MCTP1: variants seen among roughly 807,000 people sequenced by gnomAD.
MCTP1 encodes the protein multiple C2 and transmembrane domain containing 1, also known as multiple C2 and transmembrane domain-containing protein 1.
In MCTP1, 69 loss-of-function variants were observed where a neutral mutation model predicts 120.6. The ratio of observed to expected loss-of-function variants is 0.57; its 90% CI spans 0.47 to 0.70. The LOEUF (loss-of-function observed/expected upper bound fraction) is 0.70, where lower values mean the gene tolerates loss of function less well. Among genes scored for constraint, MCTP1 ranks in the 30% least tolerant of loss-of-function variants. The pLI, the probability that MCTP1 is intolerant of heterozygous loss-of-function variation, is 0.00. For synonymous variants in MCTP1, 529 were observed against 493.1 expected (o/e 1.07, Z -0.96); for missense variants, 1,203 against 1,248.8 (o/e 0.96, Z 0.55).
At chr5:95,221,922 T>C (rs1753740396) in intron 1 of MCTP1, among the ~76,000 whole-genome samples, 1 of 152,210 alleles carries the variant, frequency 6.6e-6, no homozygotes, top group Admixed American at 6.5e-5. Context: ...TTTATTATCC[T>C]GAGGAATTTA....
At chr5:94,958,220 T>A (rs1472184235) in intron 2 of MCTP1, among the ~76,000 whole-genome samples, 1 of 152,012 alleles carries the variant, frequency 6.6e-6, no homozygotes, top group Non-Finnish European at 1.5e-5. Context: ...TTGAAACCAA[T>A]GAGAACAAAG....
chr5:94,809,685 T>G (rs1239686299), intron 17 of MCTP1, among the ~76,000 whole-genome samples: 1 of 152,110 alleles, frequency 6.6e-6, no homozygotes, highest in Non-Finnish European at 1.5e-5. Flanking sequence ...GATCAGCACA[T>G]ATTTATTATT....
At chr5:95,281,753 T>A (rs1430670094) in intron 1 of MCTP1, among the ~76,000 whole-genome samples, 1 of 152,212 alleles carries the variant, frequency 6.6e-6, no homozygotes. Flanking sequence ...AAAATATACA[T>A]GCAACAATAC....
At chr5:94,938,822 G>A (rs1256582877) in intron 5 of MCTP1, among the ~76,000 whole-genome samples, 2 of 152,028 alleles carry the variant, frequency 1.3e-5, no homozygotes, top group Non-Finnish European at 2.9e-5. Context: ...GGCTTGCCCT[G>A]AGTGAAATAA....
intron 17 of MCTP1, among the ~76,000 whole-genome samples, chr5:94,847,919 C>A (rs1171500673): frequency 6.6e-6 from 1 of 152,120 alleles, no homozygotes; most frequent in Admixed American, 6.6e-5. Context: ...TTCCACTCTT[C>A]TGTTTTCATC....
At chr5:95,009,562 T>A (rs945665503) in intron 2 of MCTP1, among the ~76,000 whole-genome samples, 1 of 151,290 alleles carries the variant, frequency 6.6e-6, no homozygotes, top group African/African-American at 2.4e-5. Flanking sequence ...TATTATATGA[T>A]ACATATTCAT....
intron 1 of MCTP1, among the ~76,000 whole-genome samples, chr5:95,173,364 C>G (rs1747576645): frequency 6.6e-6 from 1 of 151,932 alleles, no homozygotes; most frequent in Admixed American, 6.6e-5. Context: ...TATTTAGTCA[C>G]TACAAGTAAA....
intron 1 of MCTP1, among the ~76,000 whole-genome samples, chr5:95,261,935 G>A (rs567746246): frequency 4.6e-5 from 7 of 152,306 alleles, no homozygotes; most frequent in African/African-American, 1.7e-4. Context: ...CTGGGGCTGG[G>A]ACTGCAGAGT....
chr5:94,900,142 C>G (rs1388840281), intron 10 of MCTP1, among the ~76,000 whole-genome samples: 2 of 152,216 alleles, frequency 1.3e-5, no homozygotes, highest in Non-Finnish European at 2.9e-5. Flanking sequence ...ATTCCAGAAG[C>G]CTTATAATCC....
At position 94,942,379 on chromosome 5, in the gene MCTP1, A is replaced by G. The variant is rs1817927024; in HGVS notation, c.1030T>C (p.Phe344Leu). The change falls in exon 4 of 23, where the codon TTT becomes CTT. Residue 344 changes from phenylalanine to leucine, a missense_variant. Physicochemically the swap from Phe to Leu is conservative, Grantham distance 22 (BLOSUM62 0). This residue lies in a region of MCTP1 where 740 missense variants were observed against 871.1 expected (regional missense o/e 0.85). Coordinates refer to ENST00000515393, the MANE Select transcript of MCTP1 (RefSeq NM_024717.7). Reference sequence around the variant, plus strand: ...AACTCCAATTGTGTCAGATCCAGAAAGGCTGAGCCCATAAAGTCATCCTGT... The same window carrying G: ...AACTCCAATTGTGTCAGATCCAGAAGGGCTGAGCCCATAAAGTCATCCTGT... The part of the protein sequence containing the change: ...GLQDDFMGSA[F>L]LDLTQLELNR... The G allele has an allele frequency of 1.2e-6, 2 of 1,611,380 alleles. No individual in the cohort carries two copies. The highest frequency in any genetic ancestry group is 3.3e-5 in the Admixed American group (2 of 59,828).
chr5:95,040,393 G>A (rs1842131818), intron 1 of MCTP1, among the ~76,000 whole-genome samples: 2 of 151,694 alleles, frequency 1.3e-5, no homozygotes, highest in Admixed American at 1.3e-4. Flanking sequence ...AAGCTGAGAT[G>A]GTGCTACTGC....
intron 1 of MCTP1, among the ~76,000 whole-genome samples, chr5:95,035,791 A>G (rs1841192574): frequency 1.3e-5 from 2 of 152,104 alleles, no homozygotes; most frequent in Non-Finnish European, 2.9e-5. Flanking sequence ...AAAAGAGTTG[A>G]GTGATTTACA....
intron 5 of MCTP1, among the ~76,000 whole-genome samples, chr5:94,938,877 T>C (rs1340896384): frequency 6.6e-6 from 1 of 152,138 alleles, no homozygotes; most frequent in Non-Finnish European, 1.5e-5. Context: ...CTTTCATTTC[T>C]AGATACTTTT....
At chr5:95,239,859 T>C (rs1364489794) in intron 1 of MCTP1, among the ~76,000 whole-genome samples, 2 of 152,160 alleles carry the variant, frequency 1.3e-5, no homozygotes, top group Non-Finnish European at 2.9e-5. Flanking sequence ...TTTCTAACAT[T>C]TTCTTCTTCA....
At chr5:95,172,805 C>T (rs887384924) in intron 1 of MCTP1, among the ~76,000 whole-genome samples, 1 of 152,124 alleles carries the variant, frequency 6.6e-6, no homozygotes, top group Non-Finnish European at 1.5e-5. Flanking sequence ...TACCCCATTG[C>T]TTATGGTAGG....
At chr5:94,956,521 A>G (rs1822653045) in intron 2 of MCTP1, among the ~76,000 whole-genome samples, 1 of 152,156 alleles carries the variant, frequency 6.6e-6, no homozygotes, top group Non-Finnish European at 1.5e-5. Flanking sequence ...AAGCCTTTAT[A>G]AAAGGTTAGA....
chr5:94,917,864 A>C, intron 8 of MCTP1, 32 bp downstream of exon 8: 1 of 1,592,594 alleles, frequency 6.3e-7, no homozygotes, highest in African/African-American at 1.3e-5. Context: ...CAAGCTCAGA[A>C]AAAAATAAAT....
intron 17 of MCTP1, among the ~76,000 whole-genome samples, chr5:94,854,532 G>T (rs912799063): frequency 6.6e-6 from 1 of 151,830 alleles, no homozygotes; most frequent in Non-Finnish European, 1.5e-5. Context: ...TACCTAGTCT[G>T]GTTCCATGTC....
intron 1 of MCTP1, among the ~76,000 whole-genome samples, chr5:95,263,148 A>G (rs1758609891): frequency 6.6e-6 from 1 of 152,226 alleles, no homozygotes; most frequent in South Asian, 2.1e-4. Flanking sequence ...TACTGGCTTC[A>G]TTTGCCCAGA....
Sources: allele counts gnomAD v4.1 joint callset (sites outside exome capture counted in the v4.1 genomes callset), GRCh38; gene constraint gnomAD v4.1.1; regional missense constraint gnomAD v4.1.1; transcripts MANE v1.5; gene names NCBI Gene and HGNC (gene_info 2026-07-23, HGNC 2026-07-21).